The following CCDC47 variants were observed in gnomAD, a reference collection of about 807,000 sequenced individuals.
CCDC47 encodes PAT complex subunit CCDC47.
A neutral mutation model predicts 60.5 loss-of-function variants in CCDC47; 41 were observed. That is an observed-to-expected ratio of 0.68 (90% CI 0.53 to 0.88). The LOEUF (loss-of-function observed/expected upper bound fraction) is 0.88. CCDC47 is among the 40% of genes least tolerant of loss of function. CCDC47 has a pLI of 0.00. For synonymous variants in CCDC47, 195 were observed against 190.7 expected (o/e 1.02, Z -0.18); for missense variants, 513 against 580.9 (o/e 0.88, Z 1.20).
chr17:63,747,645 AGTTTAT>A (rs2039130825), intron 12 of CCDC47: 1 of 985,444 alleles, frequency 1.0e-6, no homozygotes, highest in Admixed American at 6.1e-5. Context: ...CCTGATTAAA[AGTTTAT>A]TTCAGCTACA....
chr17:63,759,035 C>T (rs866235816), intron 6 of CCDC47, among the ~76,000 whole-genome samples: 13 of 152,064 alleles, frequency 8.5e-5, no homozygotes, highest in African/African-American at 2.9e-4. Context: ...GCTGAGGATA[C>T]AGCAAACTTT....
At chr17:63,760,268 A>G (rs1382714801) in intron 6 of CCDC47, among the ~76,000 whole-genome samples, 1 of 152,160 alleles carries the variant, frequency 6.6e-6, no homozygotes, top group Non-Finnish European at 1.5e-5. Context: ...TATCTGCCAA[A>G]GATAAAAACA....
chr17:63,759,361 C>T lies in CCDC47; in HGVS notation c.735+1553G>A, dbSNP rs184432222. 5.1e-3 allele frequency among the ~76,000 whole-genome samples: 755 copies of T among 148,050 alleles called. 17 individuals are homozygous for T. The highest frequency in any genetic ancestry group is 0.018 in the African/African-American group (720 of 40,482). ...AAAATTAGCTGGGCATGGTGGCAGGCGCCTGTAATCTCAACTGCTTGGGAG... is the reference window on the plus strand; with the variant it reads ...AAAATTAGCTGGGCATGGTGGCAGGTGCCTGTAATCTCAACTGCTTGGGAG... On this transcript the variant is annotated intron_variant, in intron 6 of 12. Coordinates refer to ENST00000225726, the MANE Select transcript of CCDC47 (RefSeq NM_020198.3).
intron 12 of CCDC47, chr17:63,751,720 GA>G: frequency 1.6e-6 from 1 of 627,988 alleles, no homozygotes; most frequent in South Asian, 1.9e-5. Context: ...GGGGGAACAG[GA>G]TAATACTGAT....
intron 1 of CCDC47, among the ~76,000 whole-genome samples, chr17:63,768,702 C>T (rs1475480114): frequency 1.3e-5 from 2 of 151,842 alleles, no homozygotes; most frequent in African/African-American, 2.4e-5. Context: ...AAACAAAACA[C>T]AAATAACAAA....
intron 9 of CCDC47, 125 bp downstream of exon 9, chr17:63,754,308 G>T: frequency 1.5e-6 from 1 of 665,318 alleles, no homozygotes; most frequent in Non-Finnish European, 2.7e-6. Context: ...AAAGGAAAAT[G>T]TGGAGGCCTG....
At chr17:63,757,667 T>C (rs2039217980) in intron 6 of CCDC47, among the ~76,000 whole-genome samples, 1 of 152,146 alleles carries the variant, frequency 6.6e-6, no homozygotes, top group Admixed American at 6.6e-5. Context: ...ACAGGAGCAC[T>C]CAAGTCCAAA....
chr17:63,770,275 AT>A (rs1036966533), intron 1 of CCDC47, among the ~76,000 whole-genome samples: 35 of 147,482 alleles, frequency 2.4e-4, no homozygotes, highest in Admixed American at 4.1e-4. Context: ...GCCCGGACTA[AT>A]TTTTTTTTTT....
At chr17:63,765,530 G>A (rs569126721) in intron 2 of CCDC47, 18 of 172,480 alleles carry the variant, frequency 1.0e-4, no homozygotes, top group South Asian at 3.9e-4. Context: ...AGTAGAGACA[G>A]GGTTTCACCA....
intron 4 of CCDC47, among the ~76,000 whole-genome samples, chr17:63,763,592 G>C (rs936151759): frequency 6.6e-6 from 1 of 151,992 alleles, no homozygotes; most frequent in Non-Finnish European, 1.5e-5. Flanking sequence ...CTGGGAGGCC[G>C]AGGTGGGTGG....
chr17:63,769,482 C>G (rs1444588349), intron 1 of CCDC47, among the ~76,000 whole-genome samples: 2 of 150,838 alleles, frequency 1.3e-5, no homozygotes, highest in Non-Finnish European at 3.0e-5. Context: ...GGCATGGTGA[C>G]AGGCGCCTGT....
chr17:63,748,569 C>T (rs2039137898), intron 12 of CCDC47, among the ~76,000 whole-genome samples: 1 of 152,168 alleles, frequency 6.6e-6, no homozygotes, highest in Non-Finnish European at 1.5e-5. Context: ...ACCTTCACCA[C>T]ATTCACTCTT....
intron 8 of CCDC47, 92 bp from the exon 9 acceptor site, chr17:63,754,610 G>A (rs2039191419): frequency 1.4e-5 from 11 of 758,682 alleles, no homozygotes; most frequent in Admixed American, 2.6e-5. Flanking sequence ...ATGGTGCAAC[G>A]GCTCACACCA....
At chr17:63,771,892 G>T (rs1438820019) in intron 1 of CCDC47, among the ~76,000 whole-genome samples, 1 of 152,000 alleles carries the variant, frequency 6.6e-6, no homozygotes, top group Non-Finnish European at 1.5e-5. Flanking sequence ...GACCAGCTTG[G>T]CCAAAATAGT....
At position 63,765,911 on chromosome 17, in the gene CCDC47, C is replaced by T. The variant is rs1333990591; in HGVS notation, c.264+1G>A. 1.9e-6 allele frequency: 3 copies of T among 1,607,760 alleles called. No homozygotes were observed. In the African/African-American group the frequency reaches 4.0e-5, roughly 22 times the overall value. ...CAATAAATTAATAAAAAGAGCCTCA[C>T]CTGGGTATCTGCATCTTCAAAATCT... On this transcript the variant is annotated splice_donor_variant, in intron 2 of 12. Transcript: ENST00000225726. LOFTEE classifies it high-confidence loss of function.
intron 6 of CCDC47, among the ~76,000 whole-genome samples, chr17:63,760,062 C>CAAA (rs10643408): frequency 0.057 from 5,619 of 97,848 alleles, 455 homozygotes; most frequent in African/African-American, 0.13. Context: ...GACTCCGTCT[C>CAAA]AAAAAAAAAA....
chr17:63,747,425 C>T (rs1221362962), intron 12 of CCDC47: 1 of 983,996 alleles, frequency 1.0e-6, no homozygotes, highest in Non-Finnish European at 1.2e-6. Flanking sequence ...AGACACCATA[C>T]CTGCACATAA....
chr17:63,755,964 G>C (rs1459166469), intron 8 of CCDC47, among the ~76,000 whole-genome samples: 1 of 146,974 alleles, frequency 6.8e-6, no homozygotes, highest in Non-Finnish European at 1.5e-5. Flanking sequence ...TGACGAAAAA[G>C]ATTAGAAGCT....
chr17:63,750,145 AG>A (rs1285722745), intron 12 of CCDC47, among the ~76,000 whole-genome samples: 5 of 152,192 alleles, frequency 3.3e-5, no homozygotes, highest in Admixed American at 2.0e-4. Flanking sequence ...AATCTGACTC[AG>A]GTTAAGTTTC....
Sources: gnomAD v4.1 joint callset for allele counts (sites outside exome capture counted in the v4.1 genomes callset) on GRCh38, gnomAD v4.1.1 for gene constraint, MANE v1.5 for transcripts, NCBI Gene and HGNC (gene_info 2026-07-23, HGNC 2026-07-21) for gene names.